The following TEX9 variants were observed in gnomAD, a reference collection of about 807,000 sequenced individuals.
TEX9 encodes testis expressed 9.
Under a neutral mutation model 59.6 loss-of-function variants are expected in TEX9, and 74 were observed. That is an observed-to-expected ratio of 1.24 (90% CI 1.03 to 1.51). TEX9 has a LOEUF of 1.51. Ranked by LOEUF, TEX9 falls within the 40% of genes most tolerant of loss-of-function variation. TEX9 has a pLI of 0.00. For missense variants in TEX9, 522 were observed against 447.8 expected (o/e 1.17, Z -1.49); for synonymous variants, 186 against 152.2 (o/e 1.22, Z -1.64).
intron 1 of TEX9, among the ~76,000 whole-genome samples, chr15:56,309,854 G>C (rs748388864): frequency 5.9e-5 from 9 of 151,776 alleles, no homozygotes; most frequent in Non-Finnish European, 1.3e-4. Context: ...GAAATAGTGA[G>C]AGCTTGAGTA....
chr15:56,444,712 T>A, intron 12 of TEX9: 5 of 1,481,440 alleles, frequency 3.4e-6, no homozygotes, highest in Non-Finnish European at 4.7e-6. Context: ...GTTTTCAAAT[T>A]TGAACATAGT....
chr15:56,285,590 T>C (rs1217579668), intron 1 of TEX9, among the ~76,000 whole-genome samples: 1 of 152,234 alleles, frequency 6.6e-6, no homozygotes, highest in Non-Finnish European at 1.5e-5. Flanking sequence ...GTAGCTTTTT[T>C]CTTTGGATTT....
At chr15:56,313,017 G>A (rs372000480) in intron 1 of TEX9, among the ~76,000 whole-genome samples, 1 of 136,350 alleles carries the variant, frequency 7.3e-6, no homozygotes, top group Non-Finnish European at 1.6e-5. Context: ...CTTTGCTGAA[G>A]TTGCTTATCA....
intron 10 of TEX9, among the ~76,000 whole-genome samples, chr15:56,426,433 G>A (rs539721688): frequency 1.3e-5 from 2 of 151,172 alleles, no homozygotes; most frequent in South Asian, 4.2e-4. Flanking sequence ...CTGACTGATT[G>A]GTTTCTAGAG....
intron 1 of TEX9, among the ~76,000 whole-genome samples, chr15:56,295,670 GTATGGGAT>G (rs2045200941): frequency 6.6e-6 from 1 of 152,242 alleles, no homozygotes; most frequent in Non-Finnish European, 1.5e-5. Context: ...AGCCATTGGA[GTATGGGAT>G]TAATTTTACT....
At chr15:56,363,064 A>G (rs1403346962), upstream of TEX9, among the ~76,000 whole-genome samples, 1 of 152,136 alleles carries the variant, frequency 6.6e-6, no homozygotes, top group Non-Finnish European at 1.5e-5. Context: ...ACATTTGTAC[A>G]TATACTTTTC....
intron 1 of TEX9, among the ~76,000 whole-genome samples, chr15:56,316,434 C>CT (rs1300747024): frequency 2.9e-4 from 3 of 10,172 alleles, no homozygotes; most frequent in East Asian, 0.25. Context: ...TGTGCCCCTG[C>CT]TGGGGGTGCC....
chr15:56,259,253 A>G (rs1019767594), intron 1 of TEX9, among the ~76,000 whole-genome samples: 1 of 152,028 alleles, frequency 6.6e-6, no homozygotes, highest in Non-Finnish European at 1.5e-5. Context: ...TGTATTGTCT[A>G]TGGCTGCCTT....
At chr15:56,390,340 A>C (rs2048149039) in intron 6 of TEX9, among the ~76,000 whole-genome samples, 2 of 152,148 alleles carry the variant, frequency 1.3e-5, no homozygotes, top group South Asian at 4.1e-4. Flanking sequence ...TTTTAAAATA[A>C]AGAGTGTAAT....
At chr15:56,310,880 C>T (rs2045595104) in intron 1 of TEX9, among the ~76,000 whole-genome samples, 1 of 152,194 alleles carries the variant, frequency 6.6e-6, no homozygotes, top group South Asian at 2.1e-4. Flanking sequence ...TTCAAAATGA[C>T]ATGCACAGGC....
At chr15:56,245,772 C>T (rs1596038577) in intron 1 of TEX9, among the ~76,000 whole-genome samples, 3 of 152,246 alleles carry the variant, frequency 2.0e-5, no homozygotes, top group African/African-American at 7.2e-5. Flanking sequence ...TTAGTAAATG[C>T]AGGAGCCAAA....
At chr15:56,371,969 C>G (rs1044348762) in intron 2 of TEX9, among the ~76,000 whole-genome samples, 1 of 152,204 alleles carries the variant, frequency 6.6e-6, no homozygotes, top group Non-Finnish European at 1.5e-5. Context: ...ATTTTGGCTT[C>G]TGTTCCTGTT....
chr15:56,304,280 T>C (rs551968007), intron 1 of TEX9, among the ~76,000 whole-genome samples: 183 of 152,350 alleles, frequency 1.2e-3, no homozygotes, highest in African/African-American at 4.1e-3. Flanking sequence ...TCCAGTACTG[T>C]GCTGAATAAC....
At chr15:56,413,335 A>G (rs2049500985) in intron 10 of TEX9, among the ~76,000 whole-genome samples, 1 of 148,448 alleles carries the variant, frequency 6.7e-6, no homozygotes, top group Non-Finnish European at 1.5e-5. Flanking sequence ...AATTAAAACA[A>G]TATTTAATAA....
chr15:56,279,810 C>A (rs1303539427), intron 1 of TEX9, among the ~76,000 whole-genome samples: 2 of 152,142 alleles, frequency 1.3e-5, no homozygotes, highest in Non-Finnish European at 2.9e-5. Flanking sequence ...GCAAACTACC[C>A]AGAAATATTG....
At chr15:56,429,081 T>G in intron 12 of TEX9, 1 of 1,514,842 alleles carries the variant, frequency 6.6e-7, no homozygotes, top group African/African-American at 1.4e-5. Context: ...AAATCTATGC[T>G]TTACCCAATT....
At chr15:56,287,071 A>G (rs1267433491) in intron 1 of TEX9, among the ~76,000 whole-genome samples, 2 of 152,176 alleles carry the variant, frequency 1.3e-5, no homozygotes, top group South Asian at 2.1e-4. Flanking sequence ...AGGATGCTCT[A>G]TATTTGACAT....
intron 1 of TEX9, among the ~76,000 whole-genome samples, chr15:56,353,150 A>G (rs1199687444): frequency 6.6e-6 from 1 of 152,232 alleles, no homozygotes; most frequent in Non-Finnish European, 1.5e-5. Context: ...TGTCAATACC[A>G]TGACCACAGC....
intron 12 of TEX9, chr15:56,444,366 G>A (rs2050870993): frequency 8.2e-7 from 1 of 1,222,054 alleles, no homozygotes; most frequent in Admixed American, 2.4e-5. Flanking sequence ...TGTTCTAGGT[G>A]CTTCAGTTCC....
Sources: gnomAD v4.1 joint callset for allele counts (sites outside exome capture counted in the v4.1 genomes callset) on GRCh38, gnomAD v4.1.1 for gene constraint, MANE v1.5 for transcripts, NCBI Gene and HGNC (gene_info 2026-07-23, HGNC 2026-07-21) for gene names.